Variants in USP43 observed in about 807,000 individuals in gnomAD.
USP43 encodes the protein ubiquitin carboxyl-terminal hydrolase 43.
USP43 carries 33 observed loss-of-function variants against 90.7 expected under a neutral mutation model. That is an observed-to-expected ratio of 0.36 (90% CI 0.28 to 0.49). USP43 has a LOEUF of 0.49. Among genes scored for constraint, USP43 ranks in the 20% least tolerant of loss-of-function variants. The pLI is 0.98. For missense variants in USP43, 1,274 were observed against 1,476.4 expected (o/e 0.86, Z 2.25); for synonymous variants, 598 against 615.8 (o/e 0.97, Z 0.43).
intron 12 of USP43, among the ~76,000 whole-genome samples, chr17:9,707,471 C>G (rs1915949379): frequency 6.6e-6 from 1 of 151,684 alleles, no homozygotes; most frequent in Non-Finnish European, 1.5e-5. Flanking sequence ...ATGGTGAAAC[C>G]CCGTCTCTAA....
chr17:9,647,270 C>T (rs993528278), intron 1 of USP43, among the ~76,000 whole-genome samples: 1 of 152,094 alleles, frequency 6.6e-6, no homozygotes. Flanking sequence ...GATGCCAACC[C>T]CCACCTTCCT....
chr17:9,645,738 G>A lies in USP43; in HGVS notation c.106G>A (p.Gly36Ser). 2 of 1,378,436 alleles carry A rather than the reference G, an allele frequency of 1.5e-6. No individual in the cohort carries two copies. The highest frequency in any genetic ancestry group is 9.3e-7 in the Non-Finnish European group (1 of 1,071,940). 85.4% of individuals were successfully genotyped at this position (1,378,436 alleles called of 1,614,324 possible). Residue 36 changes from glycine to serine, a missense_variant, in exon 1 of 15, where the codon GGC becomes AGC. Gly to Ser is a moderately conservative substitution (Grantham distance 56). Transcript: ENST00000285199. The surrounding 1 kb of genome is among the most constrained non-coding windows in gnomAD (Gnocchi z 6.8). ...RLFSRFLLAL[G>S]SRSRPGDSPP... is the part of the protein sequence containing the mutation. ...GTTCAGCCGCTTCCTGCTGGCGCTG[G>A]GCAGCCGCTCACGCCCCGGGGACTC... is the stretch of plus-strand genomic sequence containing the variant.
chr17:9,712,315 C>T (rs888974814), intron 14 of USP43, among the ~76,000 whole-genome samples, 183 bp downstream of exon 14: 2 of 152,138 alleles, frequency 1.3e-5, no homozygotes, highest in South Asian at 4.1e-4. Flanking sequence ...TCTCCCCATC[C>T]TCTACCCTCC....
At chr17:9,655,331 C>T (rs1346992052) in intron 1 of USP43, among the ~76,000 whole-genome samples, 1 of 152,198 alleles carries the variant, frequency 6.6e-6, no homozygotes, top group African/African-American at 2.4e-5. Flanking sequence ...ACCCAGATGC[C>T]CACATGCTCA....
At chr17:9,657,291 G>T (rs576253961) in intron 2 of USP43, among the ~76,000 whole-genome samples, 1 of 152,234 alleles carries the variant, frequency 6.6e-6, no homozygotes, top group East Asian at 1.9e-4. Flanking sequence ...TAGATCACTT[G>T]AGGTCAGGAG....
chr17:9,722,272 C>A (rs551419372), intron 14 of USP43, among the ~76,000 whole-genome samples: 31 of 152,212 alleles, frequency 2.0e-4, no homozygotes, highest in African/African-American at 6.3e-4. Flanking sequence ...TTCTCTCTTT[C>A]GCATTTGCCT....
chr17:9,715,044 C>T (rs534893693), intron 14 of USP43, among the ~76,000 whole-genome samples: 32 of 152,104 alleles, frequency 2.1e-4, no homozygotes, highest in East Asian at 5.8e-4. Context: ...CTCCAGCAGG[C>T]GAGGTGACTG....
At chr17:9,676,977 T>A (rs1255072376) in intron 5 of USP43, 96 bp downstream of exon 5, 3 of 1,485,630 alleles carry the variant, frequency 2.0e-6, no homozygotes, top group Non-Finnish European at 2.7e-6. Context: ...GGTTCCCAGG[T>A]GACTCCAGTA....
Position 9,665,950 on chromosome 17 carries a change from C to T in USP43, c.637-698C>T, listed in dbSNP as rs143793240. 2.8e-3 allele frequency among the ~76,000 whole-genome samples: 424 copies of T among 152,232 alleles called. 1 individual carries two copies. The highest frequency in any genetic ancestry group is 6.0e-3 in the Admixed American group (92 of 15,286). The stretch of plus-strand genomic sequence containing the variant: ...AGCCTCCGGAGGGAGTGCAGCCCTG[C>T]CAACACCTTGATTTCAGTGCCGTGA... On this transcript the variant is annotated intron_variant, in intron 2 of 14. Coordinates refer to ENST00000285199, the MANE Select transcript of USP43 (RefSeq NM_153210.5).
intron 14 of USP43, among the ~76,000 whole-genome samples, chr17:9,723,005 G>T (rs1347698785): frequency 6.6e-6 from 1 of 152,150 alleles, no homozygotes; most frequent in South Asian, 2.1e-4. Context: ...GGTGGGTCTG[G>T]TTCATTCGAG....
intron 3 of USP43, among the ~76,000 whole-genome samples, chr17:9,667,246 G>A (rs1332192626): frequency 6.6e-6 from 1 of 151,930 alleles, no homozygotes; most frequent in South Asian, 2.1e-4. Flanking sequence ...GGTGTGGCAC[G>A]TGCCTGTGGT....
chr17:9,705,852 A>G (rs1270484642), intron 12 of USP43, among the ~76,000 whole-genome samples: 1 of 152,174 alleles, frequency 6.6e-6, no homozygotes, highest in African/African-American at 2.4e-5. Flanking sequence ...TTTTCTACAT[A>G]TGGAAGTTTA....
chr17:9,685,051 T>C (rs1310374532), intron 7 of USP43, among the ~76,000 whole-genome samples: 2 of 152,184 alleles, frequency 1.3e-5, no homozygotes, highest in African/African-American at 2.4e-5. Flanking sequence ...GTTCCTGCGA[T>C]AAGCAAGCAT....
At chr17:9,715,801 CTGTGTATCTG>C (rs1916512428) in intron 14 of USP43, among the ~76,000 whole-genome samples, 1 of 133,216 alleles carries the variant, frequency 7.5e-6, no homozygotes, top group Non-Finnish European at 1.6e-5. Flanking sequence ...GTGTGTGTGT[CTGTGTATCTG>C]TGTGTCTCTG....
intron 14 of USP43, 49 bp downstream of exon 14, chr17:9,712,181 G>C (rs765013463): frequency 1.3e-6 from 2 of 1,508,424 alleles, no homozygotes; most frequent in Non-Finnish European, 1.8e-6. Context: ...TGTAATGTCT[G>C]TTGTTATTGC....
chr17:9,716,852 T>C (rs898264530), intron 14 of USP43, among the ~76,000 whole-genome samples: 1 of 152,174 alleles, frequency 6.6e-6, no homozygotes, highest in Non-Finnish European at 1.5e-5. Flanking sequence ...TTTCTTACAT[T>C]GAGCCAGGTG....
At chr17:9,700,322 G>A (rs553555723) in intron 10 of USP43, 73 bp downstream of exon 10, 3 of 1,437,050 alleles carry the variant, frequency 2.1e-6, no homozygotes, top group African/African-American at 2.8e-5. Flanking sequence ...CCTGGACGCA[G>A]CTTCCCCCAG....
Position 9,656,197 on chromosome 17 carries a change from A to T in USP43, c.505-206A>T, listed in dbSNP as rs544263870. On this transcript the variant is annotated intron_variant, in intron 1 of 14. Transcript: ENST00000285199. ...CTGGGAAGAAAATGTCTTCTCCCAT[A>T]TACAGAGACCCTCATACCATTTGGG... Among the ~76,000 whole-genome samples, 4 of 152,276 alleles carry T rather than the reference A, an allele frequency of 2.6e-5. No individual in the cohort carries two copies. In the East Asian group the frequency reaches 7.7e-4, roughly 29 times the overall value.
chr17:9,716,216 T>C (rs1042997186), intron 14 of USP43, among the ~76,000 whole-genome samples: 2 of 152,186 alleles, frequency 1.3e-5, no homozygotes, highest in Non-Finnish European at 2.9e-5. Context: ...AGGTCCTAAC[T>C]TAGTTTTTTA....
Sources: gnomAD v4.1 joint callset for allele counts (sites outside exome capture counted in the v4.1 genomes callset) on GRCh38, gnomAD v4.1.1 for gene constraint, Gnocchi (gnomAD v3.1) non-coding constraint, MANE v1.5 for transcripts, NCBI Gene and HGNC (gene_info 2026-07-23, HGNC 2026-07-21) for gene names.